PLEKHA5: variants seen among roughly 807,000 people sequenced by gnomAD.
PLEKHA5 encodes pleckstrin homology domain-containing family A member 5.
Under a neutral mutation model 181.9 loss-of-function variants are expected in PLEKHA5, and 55 were observed. The ratio of observed to expected loss-of-function variants is 0.30; its 90% CI spans 0.24 to 0.38. PLEKHA5 has a LOEUF of 0.38. Among genes scored for constraint, PLEKHA5 ranks in the 10% least tolerant of loss-of-function variants. The pLI is 1.00. For missense variants in PLEKHA5, 1,432 were observed against 1,549.5 expected, an observed-to-expected ratio of 0.92 and a Z score of 1.27; for synonymous variants, 535 against 529.4, an observed-to-expected ratio of 1.01 and a Z score of -0.15.
chr12:19,141,991 A>C (rs2037479800), intron 3 of PLEKHA5, among the ~76,000 whole-genome samples: 1 of 152,078 alleles, frequency 6.6e-6, no homozygotes, highest in African/African-American at 2.4e-5. Flanking sequence ...GTTTCTTTGG[A>C]TAGACATGCT....
chr12:19,147,191 A>G (rs1453273175), intron 3 of PLEKHA5: 2 of 152,244 alleles, frequency 1.3e-5, no homozygotes, highest in South Asian at 4.1e-4. Flanking sequence ...TCTTGAAAGT[A>G]GGAACTGTTA....
In PLEKHA5 at chr12:19,359,462, T is replaced by C. The variant is rs1189361767; in HGVS notation, c.3399T>C (p.Asp1133=). ...KELDTAIREN[D]VKPDHETPAT... ...TGGACACTGCCATTAGAGAAAATGA[T>C]GTAAAGCCAGACCATGAAACTCCTG... Residue 1133 remains aspartate, a synonymous_variant, in exon 28 of 32, where the codon GAT becomes GAC. Coordinates refer to ENST00000429027, the MANE Select transcript of PLEKHA5 (RefSeq NM_001256470.2). 1.2e-6 allele frequency: 2 copies of C among 1,613,720 alleles called. No individual in the cohort carries two copies. The highest frequency in any genetic ancestry group is 2.2e-5 in the East Asian group (1 of 44,866).
chr12:19,340,476 G>A, intron 21 of PLEKHA5, among the ~76,000 whole-genome samples: 2 of 141,130 alleles, frequency 1.4e-5, no homozygotes, highest in Non-Finnish European at 3.2e-5. Context: ...TTGAGAACGG[G>A]CCATGATGAC....
intron 3 of PLEKHA5, among the ~76,000 whole-genome samples, chr12:19,169,203 G>A (rs2045316986): frequency 6.6e-6 from 1 of 151,416 alleles, no homozygotes; most frequent in Non-Finnish European, 1.5e-5. Context: ...GAACAATGTT[G>A]AGTTTTAATA....
chr12:19,259,193 C>CT (rs1472997200), intron 6 of PLEKHA5, among the ~76,000 whole-genome samples: 5 of 151,438 alleles, frequency 3.3e-5, no homozygotes, highest in Non-Finnish European at 4.4e-5. Context: ...CTCATCTCTA[C>CT]TTTAAAAAAA....
At chr12:19,328,083 T>C (rs1280612513) in intron 20 of PLEKHA5, among the ~76,000 whole-genome samples, 1 of 152,212 alleles carries the variant, frequency 6.6e-6, no homozygotes, top group African/African-American at 2.4e-5. Context: ...ATTTATTGAA[T>C]AAGAAGCCCT....
intron 3 of PLEKHA5, among the ~76,000 whole-genome samples, chr12:19,142,427 A>G (rs79522501): frequency 6.6e-6 from 1 of 152,198 alleles, no homozygotes; most frequent in Admixed American, 6.5e-5. Flanking sequence ...AAAATAGGAC[A>G]TGATGACAAA....
intron 15 of PLEKHA5, among the ~76,000 whole-genome samples, chr12:19,298,652 A>G (rs1592371901): frequency 6.6e-6 from 1 of 151,914 alleles, no homozygotes; most frequent in South Asian, 2.1e-4. Context: ...TACAGGTGTA[A>G]GCCACCGCGC....
intron 3 of PLEKHA5, among the ~76,000 whole-genome samples, chr12:19,209,418 G>A (rs560360874): frequency 1.1e-4 from 17 of 152,174 alleles, no homozygotes; most frequent in Admixed American, 2.0e-4. Flanking sequence ...ATTGAAGACT[G>A]ACAGTTAACA....
At chr12:19,176,245 A>T (rs927744595) in intron 3 of PLEKHA5, 1 of 113,160 alleles carries the variant, frequency 8.8e-6, no homozygotes. Flanking sequence ...CTCTGTCTCT[A>T]TTATTTAAAA....
rs371424301 is a variant in PLEKHA5 at position 19,320,672 on chromosome 12, GC to G, written c.2217+50del. ...TGGTCAGTACTCTGTCGTATTCTCC[GC>G]CAAAAACACTGGAAATAAGCATGAC... On this transcript the variant is annotated intron_variant, in intron 18 of 31. Transcript: ENST00000429027. 1.6e-3 allele frequency: 1,317 copies of G among 819,962 alleles called. 14 individuals carry two copies. The African/African-American group carries it at 0.021, about 13-fold the overall frequency. The allele number at this position is 819,962 out of a possible 1,614,324, so 50.8% of individuals were successfully genotyped here. A position where few individuals can be genotyped will look rare whatever the true frequency, so the allele number is the denominator to read the frequency against.
intron 3 of PLEKHA5, chr12:19,207,373 A>AGT (rs2055831497): frequency 1.3e-5 from 2 of 152,202 alleles, no homozygotes; most frequent in Non-Finnish European, 1.5e-5. Flanking sequence ...ATGAAAGAAG[A>AGT]ATACAGAAAG....
chr12:19,330,776 A>G (rs1388647566), intron 20 of PLEKHA5, among the ~76,000 whole-genome samples: 1 of 152,152 alleles, frequency 6.6e-6, no homozygotes, highest in Admixed American at 6.5e-5. Context: ...AAAAATTAAC[A>G]TTTTAATTTT....
chr12:19,359,304 T>C, intron 27 of PLEKHA5, 108 bp from the exon 28 acceptor site: 2 of 906,728 alleles, frequency 2.2e-6, no homozygotes, highest in Non-Finnish European at 3.3e-6. Context: ...AACTTCTTCA[T>C]GAGTGGAGAT....
chr12:19,314,022 G>T (rs7297169), intron 15 of PLEKHA5, among the ~76,000 whole-genome samples: 18,129 of 151,986 alleles, frequency 0.12, 1,112 homozygotes, highest in South Asian at 0.18. Flanking sequence ...CAGACCTGTC[G>T]ACTTACAAAT....
At chr12:19,296,546 CAAA>C (rs34063103) in intron 15 of PLEKHA5, among the ~76,000 whole-genome samples, 19 of 139,936 alleles carry the variant, frequency 1.4e-4, no homozygotes, top group South Asian at 2.2e-4. Context: ...GACTCTATCT[CAAA>C]AAAAAAAAAA....
intron 29 of PLEKHA5, among the ~76,000 whole-genome samples, chr12:19,364,592 A>G (rs542036923): frequency 6.6e-6 from 1 of 152,264 alleles, no homozygotes; most frequent in African/African-American, 2.4e-5. Flanking sequence ...GTGGCTGCCA[A>G]AGCTATCAGC....
intron 3 of PLEKHA5, chr12:19,200,947 A>G (rs1349250331): frequency 6.6e-6 from 1 of 152,242 alleles, no homozygotes; most frequent in African/African-American, 2.4e-5. Flanking sequence ...GGGTCTGGCA[A>G]AGATTTCTTA....
Position 19,320,583 on chromosome 12 carries a change from G to A in PLEKHA5, c.2176G>A (p.Gly726Ser). The A allele has an allele frequency of 6.6e-7, 1 of 1,516,614 alleles. No homozygotes were observed. The highest frequency in any genetic ancestry group is 1.2e-5 in the South Asian group (1 of 84,990). The allele number at this position is 1,516,614 out of a possible 1,614,324, so 93.9% of individuals were successfully genotyped here. A position where few individuals can be genotyped will look rare whatever the true frequency, so the allele number is the denominator to read the frequency against. Residue 726 changes from glycine (G) to serine (S), a missense_variant, in exon 18 of 32, where the codon GGC (glycine) becomes AGC (serine). Physicochemically the swap from Gly to Ser is moderately conservative, Grantham distance 56. Around this residue, in one of 2 missense-constraint regions of PLEKHA5, gnomAD observed 1,143 missense variants for 1,168.4 expected, o/e 0.98. Transcript: ENST00000429027. ...LYCLSQDEGR[G>S]TLYKYRPEEV... is the part of the protein sequence containing the mutation. Reference sequence around the variant, plus strand: ...ATAGCTGTCACAAGATGAAGGTAGAGGCACATTATACAAATACAGACCTGA... The same window carrying A: ...ATAGCTGTCACAAGATGAAGGTAGAAGCACATTATACAAATACAGACCTGA...
Sources: allele counts gnomAD v4.1 joint callset (sites outside exome capture counted in the v4.1 genomes callset), GRCh38; gene constraint gnomAD v4.1.1; regional missense constraint gnomAD v4.1.1; transcripts MANE v1.5; gene names NCBI Gene and HGNC (gene_info 2026-07-23, HGNC 2026-07-21).